The following PKD1 variants were observed in gnomAD, a reference collection of about 807,000 sequenced individuals.
PKD1 encodes polycystin-1.
A neutral mutation model predicts 361.7 loss-of-function variants in PKD1; 81 were observed. The observed-to-expected ratio is 0.22, with a 90% CI of 0.19 to 0.27. PKD1 has a LOEUF of 0.27. Ranked by LOEUF, PKD1 falls within the 10% of genes least tolerant of loss-of-function variation. PKD1 has a pLI of 1.00. For missense variants in PKD1, 6,399 were observed against 6,118.3 expected (o/e 1.05, Z -1.53); for synonymous variants, 3,615 against 2,818.3 (o/e 1.28, Z -8.95).
At position 2,111,214 on chromosome 16, in the gene PKD1, G is replaced by C; in HGVS notation, c.3953C>G (p.Thr1318Ser). The C allele has an allele frequency of 1.9e-6, 3 of 1,611,328 alleles. No homozygotes were observed. The highest frequency in any genetic ancestry group is 1.3e-5 in the African/African-American group (1 of 75,012). The change falls in exon 15 of 46, where the codon ACC becomes AGC. Residue 1318 changes from threonine to serine, a missense_variant. Transcript: ENST00000262304. ...QPDARLTAYV[T>S]GNPAHYLFDW... ...GAAGAGGTAGTGGGCCGGGTTCCCG[G>C]TGACGTAGGCCGTGAGCCGCGCGTC...
rs781454286 is a variant in PKD1, at chr16:2,109,301, C to A, written c.5866G>T (p.Val1956Leu). Residue 1956 changes from valine to leucine, a missense_variant, in exon 15 of 46, where the codon GTG (valine) becomes TTG (leucine). Val to Leu is a conservative substitution (Grantham distance 32). Transcript: ENST00000262304. ...CGCACCTGCGCCTGGGCCCAGCTCA[C>A]GTGGTTTTTGCCCCGCACGCTCACC... ...HVVSVRGKNH[V>L]SWAQAQVRIV... 23 of 1,585,034 alleles carry A rather than the reference C, an allele frequency of 1.5e-5. No homozygotes were observed. The Admixed American group carries it at 3.7e-4, about 26-fold the overall frequency.
In PKD1 at chr16:2,105,469, C is replaced by G; in HGVS notation, c.7869G>C (p.Glu2623Asp). The part of the protein sequence containing the change: ...LALVTVLNEY[E>D]RALDVAAEPK... Reference sequence around the variant, plus strand: ...GCTCTGCCGCCACGTCCAGGGCCCGCTCGTACTGGGGCAGGCAGGGGGCAC... The same window carrying G: ...GCTCTGCCGCCACGTCCAGGGCCCGGTCGTACTGGGGCAGGCAGGGGGCAC... The change falls in exon 21 of 46, where the codon GAG becomes GAC. Residue 2623 changes from glutamate to aspartate, a missense_variant. Glu to Asp is a conservative substitution (Grantham distance 45). Coordinates refer to ENST00000262304, the MANE Select transcript of PKD1 (RefSeq NM_001009944.3). 6.3e-7 allele frequency: 1 copy of G among 1,595,192 alleles called. No individual in the cohort carries two copies. Among genetic ancestry groups the G allele is most frequent in the Non-Finnish European group, 8.5e-7 (1 of 1,179,084 alleles).
At chr16:2,099,832 G>A (rs370546945) in intron 29 of PKD1, 29 bp downstream of exon 29, 13 of 1,558,732 alleles carry the variant, frequency 8.3e-6, no homozygotes, top group Admixed American at 1.9e-5. Flanking sequence ...TGGGCAGGAA[G>A]AGGCTGCCCC....
rs778250380 is a variant in PKD1, at chr16:2,092,432, T to G, written c.11269+48A>C. ...CAGAGCTCCGCTAAAGGCTGCTCTC[T>G]CAACAAGAGGAACGATTTAAGTCTT... is the stretch of plus-strand genomic sequence containing the variant. On this transcript the variant is annotated intron_variant, in intron 39 of 45. Transcript: ENST00000262304. 3.8e-6 allele frequency: 5 copies of G among 1,330,702 alleles called. No homozygotes were observed. The Admixed American group carries it at 8.6e-5, about 23-fold the overall frequency. 82.4% of individuals were successfully genotyped at this position (1,330,702 alleles called of 1,614,324 possible). A position where few individuals can be genotyped will look rare whatever the true frequency, so the allele number is the denominator to read the frequency against.
At chr16:2,104,815 C>G (rs62038817) in intron 21 of PKD1, among the ~76,000 whole-genome samples, 173 bp from the exon 22 acceptor site, 1,913 of 113,688 alleles carry the variant, frequency 0.017, no homozygotes, top group Non-Finnish European at 0.021. Flanking sequence ...CTGCATGACC[C>G]AGGGCCTCCA....
Position 2,106,736 on chromosome 16 carries a change from G to C in PKD1, c.7210-59C>G. On this transcript the variant is annotated intron_variant, in intron 17 of 45. Transcript: ENST00000262304. This position sits in a 1 kb window ranked among gnomAD's most constrained non-coding sequence, Gnocchi z 6.5. ...CCTCTGCCCTGTCAGCCCCACTTCT[G>C]CCTGCAGGCCCCGTCCCCTCGGCCA... is the stretch of plus-strand genomic sequence containing the variant. The C allele has an allele frequency of 1.3e-6, 2 of 1,511,376 alleles. No homozygotes were observed. The highest frequency in any genetic ancestry group is 2.3e-5 in the South Asian group (2 of 87,688). The allele number at this position is 1,511,376 out of a possible 1,614,324, so 93.6% of individuals were successfully genotyped here. A position where few individuals can be genotyped will look rare whatever the true frequency, so the allele number is the denominator to read the frequency against.
intron 1 of PKD1, among the ~76,000 whole-genome samples, chr16:2,122,381 C>G (rs1012046622): frequency 2.7e-4 from 41 of 152,200 alleles, no homozygotes; most frequent in Non-Finnish European, 5.4e-4. Context: ...GGGCCAGGCA[C>G]ACAGGGAACG....
intron 1 of PKD1, among the ~76,000 whole-genome samples, chr16:2,131,293 C>A (rs1048453251): frequency 2.0e-5 from 3 of 152,068 alleles, no homozygotes; most frequent in Non-Finnish European, 1.5e-5. Context: ...GGGAGGATCA[C>A]GAGGTCAGGA....
In PKD1 at chr16:2,105,274, T is replaced by C. The variant is rs185207296; in HGVS notation, c.8016+48A>G. ...GTCTGCCCTGGGGGGCTGAACCCAG[T>C]GCCCTGGCAGGCATGCGGGGCAGGG... On this transcript the variant is annotated intron_variant, in intron 21 of 45. Coordinates refer to ENST00000262304, the MANE Select transcript of PKD1 (RefSeq NM_001009944.3). 795 of 1,585,558 alleles carry C rather than the reference T, an allele frequency of 5.0e-4. 11 individuals carry two copies. In the East Asian group the frequency reaches 0.016, roughly 33 times the overall value.
At position 2,105,471 on chromosome 16, in the gene PKD1, C is replaced by G; in HGVS notation, c.7867G>C (p.Glu2623Gln). 6.3e-7 allele frequency: 1 copy of G among 1,595,198 alleles called. No individual in the cohort carries two copies. Among genetic ancestry groups the G allele is most frequent in the Non-Finnish European group, 8.5e-7 (1 of 1,179,088 alleles). Residue 2623 changes from glutamate to glutamine, a missense_variant, in exon 21 of 46, where the codon GAG (glutamate) becomes CAG (glutamine). Coordinates refer to ENST00000262304, the MANE Select transcript of PKD1 (RefSeq NM_001009944.3). ...TCTGCCGCCACGTCCAGGGCCCGCT[C>G]GTACTGGGGCAGGCAGGGGGCACAG... ...LALVTVLNEY[E>Q]RALDVAAEPK...
chr16:2,093,168 G>A (rs987882111), intron 37 of PKD1, 75 bp from the exon 38 acceptor site: 2 of 1,559,510 alleles, frequency 1.3e-6, no homozygotes, highest in Non-Finnish European at 8.8e-7. Flanking sequence ...AACGGCTGGA[G>A]CCATGGCTGC....
chr16:2,091,342 A>ACGCTGCCGGGGCGG (rs2091558837), intron 42 of PKD1, 81 bp downstream of exon 42: 2 of 500,012 alleles, frequency 4.0e-6, no homozygotes, highest in African/African-American at 4.1e-5. Context: ...GCGAGGGGTG[A>ACGCTGCCGGGGCGG]GACGCTGCCG....
intron 26 of PKD1, among the ~76,000 whole-genome samples, chr16:2,101,327 T>C (rs2092088030): frequency 6.6e-6 from 1 of 150,456 alleles, no homozygotes; most frequent in African/African-American, 2.5e-5. Context: ...AACTGGGCAA[T>C]GAAGAGGAAA....
rs868338662 is a variant in PKD1 at position 2,097,577 on chromosome 16, C to T, written c.10221-74G>A. On this transcript the variant is annotated intron_variant, in intron 32 of 45. Coordinates refer to ENST00000262304, the MANE Select transcript of PKD1 (RefSeq NM_001009944.3). ...CAGCCCACCCCCGTCCAGTCACGCA[C>T]GGACACCCTGGGCTTCCGAGCAAAC... is the stretch of plus-strand genomic sequence containing the variant. The T allele has an allele frequency of 3.6e-5, 57 of 1,604,774 alleles. No individual in the cohort carries two copies. In the South Asian group the frequency reaches 3.6e-4, roughly 10 times the overall value.
At position 2,089,619 on chromosome 16, in the gene PKD1, A is replaced by C; in HGVS notation, c.*108T>G. On this transcript the variant is annotated 3_prime_UTR_variant, in exon 46 of 46. Coordinates refer to ENST00000262304, the MANE Select transcript of PKD1 (RefSeq NM_001009944.3). Reference sequence around the variant, plus strand: ...AGATGCCCCTGCCTGCTCTCTGGGGAACCTACGTGCAGCCATTCTGCCTGG... The same window carrying C: ...AGATGCCCCTGCCTGCTCTCTGGGGCACCTACGTGCAGCCATTCTGCCTGG... The C allele has an allele frequency of 7.4e-7, 1 of 1,350,154 alleles. No individual in the cohort carries two copies. The highest frequency in any genetic ancestry group is 1.0e-6 in the Non-Finnish European group (1 of 976,584). 83.6% of individuals were successfully genotyped at this position (1,350,154 alleles called of 1,614,324 possible).
rs9938566 is a variant in PKD1 at position 2,103,932 on chromosome 16, G to C, written c.8162-37C>G. On this transcript the variant is annotated intron_variant, in intron 22 of 45. Transcript: ENST00000262304. ...CGTGAGGTCAGTGCAGAGACAGGGA[G>C]GTAGAGGGAGGGTGGGGGCAGGCAA... The C allele has an allele frequency of 1.5e-4, 217 of 1,442,108 alleles. 1 individual carries two copies. In the Middle Eastern group the frequency reaches 2.4e-3, roughly 16 times the overall value. The allele number at this position is 1,442,108 out of a possible 1,614,324, so 89.3% of individuals were successfully genotyped here.
At chr16:2,125,970 G>A (rs1401225657) in intron 1 of PKD1, among the ~76,000 whole-genome samples, 1 of 152,012 alleles carries the variant, frequency 6.6e-6, no homozygotes, top group Non-Finnish European at 1.5e-5. Context: ...GGTCCAGTGT[G>A]TCAATGGAGG....
Position 2,094,008 on chromosome 16 carries a change from C to A in PKD1, c.10624G>T (p.Val3542Leu). The A allele has an allele frequency of 1.3e-6, 2 of 1,590,236 alleles. No individual in the cohort carries two copies. Among genetic ancestry groups the A allele is most frequent in the Non-Finnish European group, 1.7e-6 (2 of 1,169,818 alleles). The change falls in exon 36 of 46, where the codon GTG becomes TTG. Residue 3542 changes from valine to leucine, a missense_variant. Transcript: ENST00000262304. ...QAARLSRTGLVEGLRKRLLPA... is the reference protein window; with the variant it reads ...QAARLSRTGLLEGLRKRLLPA... ...AGCAGGCGCTTCCGCAGACCCTCCA[C>A]CAGTCCTGGGGAAGCAGAGACAGAC...
intron 1 of PKD1, among the ~76,000 whole-genome samples, chr16:2,124,039 T>G (rs989775634): frequency 3.9e-5 from 6 of 152,172 alleles, no homozygotes; most frequent in African/African-American, 1.4e-4. Flanking sequence ...TAGCGGCTGC[T>G]GGGGCACCAC....
Sources: allele counts gnomAD v4.1 joint callset (sites outside exome capture counted in the v4.1 genomes callset), GRCh38; gene constraint gnomAD v4.1.1; non-coding constraint Gnocchi (gnomAD v3.1); transcripts MANE v1.5; gene names NCBI Gene and HGNC (gene_info 2026-07-23, HGNC 2026-07-21).